The following CTXND2 variants were observed in gnomAD, a reference collection of about 807,000 sequenced individuals.
The protein encoded by CTXND2 is cortexin domain containing 2.
chr1:150,891,195 G>A (rs141669831), intron 1 of CTXND2, among the ~76,000 whole-genome samples: 233 of 150,882 alleles, frequency 1.5e-3, no homozygotes, highest in African/African-American at 5.4e-3. Flanking sequence ...CTGCCTATCT[G>A]ATATTTCTTT....
intron 1 of CTXND2, among the ~76,000 whole-genome samples, chr1:150,889,764 T>C (rs1483775154): frequency 6.6e-6 from 1 of 152,108 alleles, no homozygotes; most frequent in Non-Finnish European, 1.5e-5. Flanking sequence ...AAGTATGAAC[T>C]GTTGTATGCA....
At chr1:150,911,317 G>T (rs1366534999) in intron 1 of CTXND2, among the ~76,000 whole-genome samples, 1 of 151,964 alleles carries the variant, frequency 6.6e-6, no homozygotes, top group East Asian at 1.9e-4. Context: ...TTTGATTACT[G>T]TAGCTTTTAG....
chr1:150,902,339 G>A (rs1283240147), intron 1 of CTXND2, among the ~76,000 whole-genome samples: 1 of 151,894 alleles, frequency 6.6e-6, no homozygotes, highest in Non-Finnish European at 1.5e-5. Context: ...CCCGGGAGGC[G>A]GAGCTTGCAG....
chr1:150,887,734 ATC>A (rs1229459484), intron 1 of CTXND2, among the ~76,000 whole-genome samples: 1 of 152,100 alleles, frequency 6.6e-6, no homozygotes, highest in Non-Finnish European at 1.5e-5. Flanking sequence ...CTTCACCATC[ATC>A]TCTCTCTTTG....
chr1:150,898,079 C>T (rs892550335), intron 1 of CTXND2, among the ~76,000 whole-genome samples: 43 of 151,952 alleles, frequency 2.8e-4, no homozygotes, highest in Admixed American at 1.9e-3. Flanking sequence ...CATGGTCTTG[C>T]TTTGTTGCCC....
chr1:150,892,213 A>G (rs920563874), intron 1 of CTXND2, among the ~76,000 whole-genome samples: 1 of 152,184 alleles, frequency 6.6e-6, no homozygotes, highest in South Asian at 2.1e-4. Context: ...AGTCATAAAG[A>G]TATGTCATAT....
chr1:150,893,898 G>A (rs1256899944), intron 1 of CTXND2, among the ~76,000 whole-genome samples: 1 of 152,022 alleles, frequency 6.6e-6, no homozygotes, highest in Non-Finnish European at 1.5e-5. Context: ...TGCACCCTCA[G>A]GCATAAATGG....
chr1:150,908,916 A>T (rs587747549), intron 1 of CTXND2, among the ~76,000 whole-genome samples: 22 of 150,846 alleles, frequency 1.5e-4, no homozygotes, highest in African/African-American at 5.3e-4. Flanking sequence ...CACCGTGCCC[A>T]GCCCATTTTC....
rs1273978709 is a variant in CTXND2 at position 150,904,638 on chromosome 1, A to C, written c.-73-7604A>C. Among the ~76,000 whole-genome samples, 3 of 152,298 alleles carry C rather than the reference A, an allele frequency of 2.0e-5. No individual in the cohort carries two copies. The East Asian group carries it at 5.8e-4, about 29-fold the overall frequency. On this transcript the variant is annotated intron_variant, in intron 1 of 1. Coordinates refer to ENST00000636087, the Ensembl canonical transcript of CTXND2. ...GATTCACCTGTGTTTTGTGTCCATA[A>C]AGGCAAGGGTTGAAGATAAATAAGG...
intron 1 of CTXND2, among the ~76,000 whole-genome samples, chr1:150,893,859 C>G (rs977607569): frequency 1.3e-4 from 20 of 152,122 alleles, no homozygotes; most frequent in African/African-American, 4.8e-4. Context: ...AGGTCATCAC[C>G]AAGGTCTGAT....
chr1:150,904,192 CA>C (rs952765646), intron 1 of CTXND2: 10 of 629,472 alleles, frequency 1.6e-5, no homozygotes, highest in Non-Finnish European at 2.3e-5. Context: ...CAGCTTATCT[CA>C]AAAAAGCTAC....
At chr1:150,908,332 G>A (rs1669189722) in intron 1 of CTXND2, among the ~76,000 whole-genome samples, 1 of 152,204 alleles carries the variant, frequency 6.6e-6, no homozygotes, top group African/African-American at 2.4e-5. Context: ...CATAATTTTA[G>A]GAACTTCCAG....
chr1:150,888,490 T>TTA (rs1215257747), intron 1 of CTXND2, among the ~76,000 whole-genome samples: 1 of 151,862 alleles, frequency 6.6e-6, no homozygotes, highest in Non-Finnish European at 1.5e-5. Flanking sequence ...AGTGTTGGGA[T>TTA]TACAGGGGTG....
rs587733414 is a variant in CTXND2 at position 150,890,605 on chromosome 1, G to T, written c.-74+3292G>T. On this transcript the variant is annotated intron_variant, in intron 1 of 1. Coordinates refer to ENST00000636087, the Ensembl canonical transcript of CTXND2. ...TGCAACCTCTGCCTCCCGGGTTCAAGCGATTATCCTGCCTCAGCCTCCCAA... is the reference window on the plus strand; with the variant it reads ...TGCAACCTCTGCCTCCCGGGTTCAATCGATTATCCTGCCTCAGCCTCCCAA... Among the ~76,000 whole-genome samples, 4 of 152,250 alleles carry T rather than the reference G, an allele frequency of 2.6e-5. No individual in the cohort carries two copies. The South Asian group carries it at 6.2e-4, about 24-fold the overall frequency.
chr1:150,910,136 T>TC (rs961736151), intron 1 of CTXND2, among the ~76,000 whole-genome samples: 1 of 147,180 alleles, frequency 6.8e-6, no homozygotes, highest in Non-Finnish European at 1.5e-5. Flanking sequence ...TTTTTTTCTT[T>TC]TTTTTTTTTT....
intron 1 of CTXND2, among the ~76,000 whole-genome samples, chr1:150,909,130 C>T (rs1465147169): frequency 1.3e-5 from 2 of 148,784 alleles, no homozygotes; most frequent in Non-Finnish European, 3.0e-5. Context: ...CCCAGCTACT[C>T]GGGAGGGTGA....
intron 1 of CTXND2, among the ~76,000 whole-genome samples, chr1:150,896,866 A>T (rs955388723): frequency 6.6e-6 from 1 of 152,136 alleles, no homozygotes; most frequent in Admixed American, 6.5e-5. Context: ...GTACAGACTA[A>T]AGTAATATAA....
chr1:150,903,321 C>T (rs113728884), intron 1 of CTXND2, among the ~76,000 whole-genome samples: 2 of 151,990 alleles, frequency 1.3e-5, no homozygotes, highest in Admixed American at 6.6e-5. Flanking sequence ...CATGATTTGT[C>T]CCTCCCGCTT....
At chr1:150,901,181 T>TTTTATTCTTTTG (rs1669021300) in intron 1 of CTXND2, among the ~76,000 whole-genome samples, 1 of 147,298 alleles carries the variant, frequency 6.8e-6, no homozygotes, top group Non-Finnish European at 1.5e-5. Context: ...TAGGAATACA[T>TTTTATTCTTTTG]TTAAGAAAAG....
Sources: gnomAD v4.1 joint callset for allele counts (sites outside exome capture counted in the v4.1 genomes callset) on GRCh38, gnomAD v4.1.1 for gene constraint, MANE v1.5 for transcripts, NCBI Gene and HGNC (gene_info 2026-07-23, HGNC 2026-07-21) for gene names.